The following CRACR2A variants were observed in gnomAD, a reference collection of about 807,000 sequenced individuals.
CRACR2A encodes calcium release activated channel regulator 2A, also known as EF-hand calcium-binding domain-containing protein 4B.
CRACR2A carries 79 observed loss-of-function variants against 90.5 expected under a neutral mutation model. The ratio of observed to expected loss-of-function variants is 0.87; its 90% confidence interval spans 0.73 to 1.05. CRACR2A has a LOEUF of 1.05. Among genes scored for constraint, CRACR2A ranks in the 50% least tolerant of loss-of-function variants. The probability of loss-of-function intolerance (pLI) is 0.00; values close to 1 mark genes in which losing one functional copy is unlikely to be tolerated. For missense variants in CRACR2A, 823 were observed against 897.2 expected (o/e 0.92, Z 1.06); for synonymous variants, 338 against 356.7 (o/e 0.95, Z 0.59).
chr12:3,639,266 G>C (rs1944515345), intron 13 of CRACR2A, among the ~76,000 whole-genome samples: 1 of 152,090 alleles, frequency 6.6e-6, no homozygotes. Flanking sequence ...AAGTGGCTCA[G>C]AGGCCTAAAT....
intron 2 of CRACR2A, among the ~76,000 whole-genome samples, chr12:3,720,116 T>C (rs573507852): frequency 4.2e-4 from 50 of 118,236 alleles, no homozygotes; most frequent in African/African-American, 1.5e-3. Flanking sequence ...CGAAACTCTA[T>C]CTCAAGAAAG....
intron 7 of CRACR2A, among the ~76,000 whole-genome samples, chr12:3,671,595 C>T (rs1042452680): frequency 2.0e-5 from 3 of 152,134 alleles, no homozygotes; most frequent in Non-Finnish European, 2.9e-5. Flanking sequence ...TTCCAGGTGA[C>T]GCCAATGTTG....
chr12:3,630,610 C>CT (rs1319012303), intron 15 of CRACR2A, among the ~76,000 whole-genome samples: 1 of 152,186 alleles, frequency 6.6e-6, no homozygotes, highest in Admixed American at 6.5e-5. Context: ...ACTCGGAGTC[C>CT]TGGGTTCCAG....
intron 4 of CRACR2A, among the ~76,000 whole-genome samples, chr12:3,691,807 A>T (rs1213399007): frequency 6.6e-6 from 1 of 152,216 alleles, no homozygotes; most frequent in Non-Finnish European, 1.5e-5. Flanking sequence ...TTGTCTCTTT[A>T]CATAATCCCA....
intron 12 of CRACR2A, among the ~76,000 whole-genome samples, chr12:3,642,756 G>T (rs1200624322): frequency 1.3e-5 from 2 of 152,208 alleles, no homozygotes; most frequent in African/African-American, 4.8e-5. Context: ...CAGGACCTGG[G>T]TGGAGCAGGG....
chr12:3,741,295 G>A (rs1396196912), intron 1 of CRACR2A, among the ~76,000 whole-genome samples: 1 of 152,096 alleles, frequency 6.6e-6, no homozygotes, highest in Non-Finnish European at 1.5e-5. Context: ...AGAGCTCTGG[G>A]CTATGGGGCA....
intron 3 of CRACR2A, among the ~76,000 whole-genome samples, chr12:3,703,245 C>A (rs889002379): frequency 4.6e-5 from 7 of 152,170 alleles, no homozygotes; most frequent in Non-Finnish European, 8.8e-5. Context: ...CCCGCCACCA[C>A]GCCCAGCTAA....
chr12:3,722,597 C>G (rs1266724759), intron 2 of CRACR2A, among the ~76,000 whole-genome samples: 4 of 152,114 alleles, frequency 2.6e-5, no homozygotes, highest in African/African-American at 9.7e-5. Flanking sequence ...CTCCGTGGCT[C>G]CTGCATCAGG....
intron 4 of CRACR2A, among the ~76,000 whole-genome samples, chr12:3,680,639 A>T (rs1269005817): frequency 6.6e-6 from 1 of 152,230 alleles, no homozygotes; most frequent in African/African-American, 2.4e-5. Context: ...TTTAATTCCC[A>T]TGACAACACT....
chr12:3,620,215 GCCATTCAGTGA>G (rs1274304694), intron 17 of CRACR2A, among the ~76,000 whole-genome samples: 1 of 152,246 alleles, frequency 6.6e-6, no homozygotes, highest in East Asian at 1.9e-4. Context: ...ACCACCGACT[GCCATTCAGTGA>G]GTAAATGTGG....
chr12:3,648,081 C>T, intron 11 of CRACR2A: 1 of 995,896 alleles, frequency 1.0e-6, no homozygotes, highest in Non-Finnish European at 1.2e-6. Context: ...ATTCTGGCCC[C>T]ATCAGAGAGT....
intron 13 of CRACR2A, among the ~76,000 whole-genome samples, chr12:3,639,457 A>AACACACACACACACACAC (rs9300301): frequency 0.2 from 28,085 of 139,338 alleles, 3,278 homozygotes; most frequent in East Asian, 0.4. Flanking sequence ...CCAGAATTGA[A>AACACACACACACACACAC]ACACACACAC....
rs369817020 is a variant in CRACR2A at position 3,659,441 on chromosome 12, AT to A, written c.762+122del. 1.8e-3 allele frequency: 1,374 copies of A among 743,840 alleles called. 17 individuals are homozygous for A. In the African/African-American group the frequency reaches 0.022, roughly 12 times the overall value. 46.1% of individuals were successfully genotyped at this position (743,840 alleles called of 1,614,324 possible). ...AGGTGATAAATGCCTTGAAAAAAAA[AT>A]ACAGCAGAGAAAGAGGGAATCAATA... On this transcript the variant is annotated intron_variant, in intron 8 of 19. Coordinates refer to ENST00000440314, the MANE Select transcript of CRACR2A (RefSeq NM_001144958.2).
intron 18 of CRACR2A, 149 bp downstream of exon 18, chr12:3,619,122 A>C (rs1470856565): frequency 1.6e-6 from 1 of 631,568 alleles, no homozygotes; most frequent in Non-Finnish European, 2.7e-6. Context: ...GAGCTGAGCC[A>C]TTCCCAGGAT....
chr12:3,641,688 G>A (rs960074520), intron 13 of CRACR2A, 44 bp downstream of exon 13: 2 of 1,527,212 alleles, frequency 1.3e-6, no homozygotes, highest in East Asian at 2.5e-5. Context: ...AGCTCCCAAT[G>A]AGCCTGAGAG....
At chr12:3,749,447 C>G (rs1430715837) in intron 1 of CRACR2A, among the ~76,000 whole-genome samples, 1 of 152,206 alleles carries the variant, frequency 6.6e-6, no homozygotes, top group Non-Finnish European at 1.5e-5. Flanking sequence ...AAAGTAGGTT[C>G]TGCCCATGCC....
At chr12:3,660,887 C>CACACACACACACACACA (rs1271154180) in intron 7 of CRACR2A, among the ~76,000 whole-genome samples, 3 of 118,870 alleles carry the variant, frequency 2.5e-5, no homozygotes, top group Admixed American at 1.9e-4. Flanking sequence ...CACACACACA[C>CACACACACACACACACA]AATTTTGGCC....
intron 1 of CRACR2A, among the ~76,000 whole-genome samples, chr12:3,751,916 A>C (rs17780991): frequency 0.24 from 36,370 of 152,096 alleles, 4,857 homozygotes; most frequent in East Asian, 0.51. Context: ...GAGGTTGTAC[A>C]TATTCATTTC....
At chr12:3,668,083 G>A (rs1283097353) in intron 7 of CRACR2A, among the ~76,000 whole-genome samples, 2 of 152,218 alleles carry the variant, frequency 1.3e-5, no homozygotes, top group Non-Finnish European at 2.9e-5. Flanking sequence ...GGTGTACACA[G>A]AGCACAAACC....
Sources: allele counts gnomAD v4.1 joint callset (sites outside exome capture counted in the v4.1 genomes callset), GRCh38; gene constraint gnomAD v4.1.1; transcripts MANE v1.5; gene names NCBI Gene and HGNC (gene_info 2026-07-23, HGNC 2026-07-21).